Variants in RRP7A observed in about 807,000 individuals in gnomAD.
RRP7A encodes ribosomal RNA-processing protein 7 homolog A.
In RRP7A, 27 loss-of-function variants were observed where a neutral mutation model predicts 38.4. The observed-to-expected ratio is 0.70, with a 90% CI of 0.52 to 0.97. RRP7A has a LOEUF of 0.97. Among genes scored for constraint, RRP7A ranks in the 50% least tolerant of loss-of-function variants. The pLI is 0.00. For synonymous variants in RRP7A, 124 were observed against 150.3 expected, an observed-to-expected ratio of 0.83 and a Z score of 1.28; for missense variants, 327 against 375.4, an observed-to-expected ratio of 0.87 and a Z score of 1.07.
intron 3 of RRP7A, 51 bp downstream of exon 3, chr22:42,515,960 A>C: frequency 6.5e-7 from 1 of 1,542,934 alleles, no homozygotes. Context: ...CACACTGGGG[A>C]CAGTGCCCCA....
rs1379914311 is a variant in RRP7A at position 42,512,806 on chromosome 22, C to T, written c.*104G>A. 9 of 1,244,488 alleles carry T rather than the reference C, an allele frequency of 7.2e-6. No homozygotes were observed. Among genetic ancestry groups the T allele is most frequent in the African/African-American group, 5.9e-5 (4 of 68,098 alleles). 77.1% of individuals were successfully genotyped at this position (1,244,488 alleles called of 1,614,324 possible). On this transcript the variant is annotated 3_prime_UTR_variant, in exon 7 of 7. Transcript: ENST00000323013. ...GCTGTTGGACGCGGTGGCCTTCAAC[C>T]TGGGGCCCGTTGGCCAGAGCTCGGC...
chr22:42,514,404 C>T, intron 5 of RRP7A, 100 bp from the exon 6 acceptor site: 1 of 841,780 alleles, frequency 1.2e-6, no homozygotes, highest in Non-Finnish European at 1.8e-6. Context: ...CCCTGAGCCC[C>T]CGCAGGGGAG....
In RRP7A at chr22:42,517,986, C is replaced by T; in HGVS notation, c.216+19G>A. Reference sequence around the variant, plus strand: ...CACCTTGAGCCCACAGGTCTCCTCCCAGACAGACACTAGCTCACCTCTGTG... The same window carrying T: ...CACCTTGAGCCCACAGGTCTCCTCCTAGACAGACACTAGCTCACCTCTGTG... On this transcript the variant is annotated intron_variant, in intron 2 of 6. Coordinates refer to ENST00000323013, the MANE Select transcript of RRP7A (RefSeq NM_015703.5). 6.2e-7 allele frequency: 1 copy of T among 1,609,926 alleles called. No individual in the cohort carries two copies. The highest frequency in any genetic ancestry group is 8.5e-7 in the Non-Finnish European group (1 of 1,177,844).
chr22:42,519,789 T>G lies in RRP7A; in HGVS notation c.-3A>C. ...CACTTCCTCCTGCGCGCCACCATCT[T>G]GCCACCCGGGAGCGCGGGGGCCGCC... is the stretch of plus-strand genomic sequence containing the variant. On this transcript the variant is annotated 5_prime_UTR_variant, in exon 1 of 7. Coordinates refer to ENST00000323013, the MANE Select transcript of RRP7A (RefSeq NM_015703.5). 1.4e-6 allele frequency: 2 copies of G among 1,433,388 alleles called. No homozygotes were observed. Among genetic ancestry groups the G allele is most frequent in the Non-Finnish European group, 1.8e-6 (2 of 1,096,056 alleles). The allele number at this position is 1,433,388 out of a possible 1,614,324, so 88.8% of individuals were successfully genotyped here.
Position 42,519,771 on chromosome 22 carries a change from T to C in RRP7A, c.16A>G (p.Arg6Gly), listed in dbSNP as rs764621088. Reference sequence around the variant, plus strand: ...TCCGGGTCCCGCGCGGCGCACTTCCTCCTGCGCGCCACCATCTTGCCACCC... The same window carrying C: ...TCCGGGTCCCGCGCGGCGCACTTCCCCCTGCGCGCCACCATCTTGCCACCC... The part of the protein sequence containing the change: MVARR[R>G]KCAARDPEDR... The change falls in exon 1 of 7, where the codon AGG becomes GGG. Residue 6 changes from arginine (R) to glycine (G), a missense_variant. Coordinates refer to ENST00000323013, the MANE Select transcript of RRP7A (RefSeq NM_015703.5). 3.5e-6 allele frequency: 5 copies of C among 1,447,976 alleles called. No homozygotes were observed. Among genetic ancestry groups the C allele is most frequent in the East Asian group, 3.0e-5 (1 of 33,202 alleles). 89.7% of individuals were successfully genotyped at this position (1,447,976 alleles called of 1,614,324 possible).
At chr22:42,516,336 CTTTT>C in intron 2 of RRP7A, 200 bp from the exon 3 acceptor site, 5 of 598,294 alleles carry the variant, frequency 8.4e-6, no homozygotes, top group Admixed American at 4.7e-5. Context: ...TATTCCTGCT[CTTTT>C]TTTTTTTTGA....
chr22:42,511,992 C>A lies in RRP7A; in HGVS notation c.*918G>T, dbSNP rs1209687287. On this transcript the variant is annotated 3_prime_UTR_variant, in exon 7 of 7. Coordinates refer to ENST00000323013, the MANE Select transcript of RRP7A (RefSeq NM_015703.5). Reference sequence around the variant, plus strand: ...CAAGGAGCCGAGTGTGGGGGAAACTCACTGTGGGAGGCGCTCCTGACCTGC... The same window carrying A: ...CAAGGAGCCGAGTGTGGGGGAAACTAACTGTGGGAGGCGCTCCTGACCTGC... The A allele has an allele frequency of 2.8e-5, 20 of 708,522 alleles. No individual in the cohort carries two copies. Among genetic ancestry groups the A allele is most frequent in the Non-Finnish European group, 5.0e-5 (20 of 396,320 alleles). The allele number at this position is 708,522 out of a possible 1,614,324, so 43.9% of individuals were successfully genotyped here.
chr22:42,518,869 C>T (rs1428616689), intron 1 of RRP7A: 3 of 429,982 alleles, frequency 7.0e-6, no homozygotes, highest in African/African-American at 2.1e-5. Flanking sequence ...ACTCAGGAAG[C>T]TCAGTTGCAA....
rs373463538 is a variant in RRP7A, at chr22:42,512,969, C to G, written c.784G>C (p.Glu262Gln). The G allele has an allele frequency of 1.2e-6, 2 of 1,613,398 alleles. No individual in the cohort carries two copies. The highest frequency in any genetic ancestry group is 2.2e-5 in the East Asian group (1 of 44,872). ...AGCTCGATCCTCTGCTTGTCCTCCT[C>G]GAACTTCTTGCGCAGCTGCGCTAGA... ...EHLAQLRKKFEEDKQRIELLR... is the reference protein window; with the variant it reads ...EHLAQLRKKFQEDKQRIELLR... Residue 262 changes from glutamate (E) to glutamine (Q), a missense_variant, in exon 7 of 7, where the codon GAG becomes CAG. Physicochemically the swap from Glu to Gln is conservative, Grantham distance 29. This residue lies in a region of RRP7A where 84 missense variants were observed against 82.8 expected (regional missense o/e 1.01). Coordinates refer to ENST00000323013, the MANE Select transcript of RRP7A (RefSeq NM_015703.5).
At position 42,508,743 on chromosome 22, in the gene RRP7A, C is replaced by T. The variant is rs1400241006; in HGVS notation, c.*4167G>A. Among the ~76,000 whole-genome samples the T allele has an allele frequency of 6.6e-6, 1 of 152,258 alleles. No homozygotes were observed. The highest frequency in any genetic ancestry group is 1.5e-5 in the Non-Finnish European group (1 of 68,050). ...CCCAACTCACTTCTCTGACTTTAAT[C>T]ACACAGCCATACCTGGTGGCAAAGG... On this transcript the variant is annotated 3_prime_UTR_variant, in exon 7 of 7. Transcript: ENST00000323013.
In RRP7A at chr22:42,508,801, C is replaced by G. The variant is rs762538518; in HGVS notation, c.*4109G>C. ...GAAATGGAGTCAGGCTGGGTAGCCA[C>G]GAGCCCAGGAAGAGGGGAGAACAGA... On this transcript the variant is annotated 3_prime_UTR_variant, in exon 7 of 7. Coordinates refer to ENST00000323013, the MANE Select transcript of RRP7A (RefSeq NM_015703.5). Among the ~76,000 whole-genome samples, 13 of 152,188 alleles carry G rather than the reference C, an allele frequency of 8.5e-5. No individual in the cohort carries two copies. Among genetic ancestry groups the G allele is most frequent in the Admixed American group, 2.0e-4 (3 of 15,282 alleles).
In RRP7A at chr22:42,508,959, G is replaced by T; in HGVS notation, c.*3951C>A. The T allele has an allele frequency of 6.2e-7, 1 of 1,606,794 alleles. No homozygotes were observed. The highest frequency in any genetic ancestry group is 8.5e-7 in the Non-Finnish European group (1 of 1,175,626). ...GCCAGGGCTTAGCCACCCCAACAGAGATGGGTTTCGTGCCCACGAGAGTGC... is the reference window on the plus strand; with the variant it reads ...GCCAGGGCTTAGCCACCCCAACAGATATGGGTTTCGTGCCCACGAGAGTGC... On this transcript the variant is annotated 3_prime_UTR_variant, in exon 7 of 7. Transcript: ENST00000323013.
rs367610336 is a variant in RRP7A at position 42,510,725 on chromosome 22, G to C, written c.*2185C>G. The C allele has an allele frequency of 1.1e-5, 17 of 1,520,206 alleles. 1 individual carries two copies. In the East Asian group the frequency reaches 1.5e-4, roughly 14 times the overall value. 94.2% of individuals were successfully genotyped at this position (1,520,206 alleles called of 1,614,324 possible). ...CACAATGAAATCCACCCTCAAAGAG[G>C]TAAGGCGGGGCTCAGGCAGCTGGTG... On this transcript the variant is annotated 3_prime_UTR_variant, in exon 7 of 7. Coordinates refer to ENST00000323013, the MANE Select transcript of RRP7A (RefSeq NM_015703.5).
chr22:42,517,830 TTTAAAGAC>T (rs1201325681), intron 2 of RRP7A, among the ~76,000 whole-genome samples, 167 bp downstream of exon 2: 3 of 152,166 alleles, frequency 2.0e-5, no homozygotes, highest in African/African-American at 7.2e-5. Flanking sequence ...GGATTATACT[TTTAAAGAC>T]ATCTTTAAAA....
In RRP7A at chr22:42,508,662, G is replaced by A. The variant is rs1319310844; in HGVS notation, c.*4248C>T. 6.6e-6 allele frequency among the ~76,000 whole-genome samples: 1 copy of A among 152,232 alleles called. No individual in the cohort carries two copies. Among genetic ancestry groups the A allele is most frequent in the Non-Finnish European group, 1.5e-5 (1 of 68,044 alleles). On this transcript the variant is annotated 3_prime_UTR_variant, in exon 7 of 7. Transcript: ENST00000323013. The stretch of plus-strand genomic sequence containing the variant: ...CAGCGTGAGGTGCAGCCTATGGACT[G>A]GGAAAGGGGTGTGGAAGGGCCACAC...
Position 42,509,651 on chromosome 22 carries a change from A to G in RRP7A, c.*3259T>C, listed in dbSNP as rs2146614211. ...GCCCACCATAGACGATTTTTAAGCC[A>G]TAAAAAGAAACGAAGCACTGACATG... On this transcript the variant is annotated 3_prime_UTR_variant, in exon 7 of 7. Transcript: ENST00000323013. 6.6e-6 allele frequency among the ~76,000 whole-genome samples: 1 copy of G among 152,082 alleles called. No individual in the cohort carries two copies. The highest frequency in any genetic ancestry group is 2.1e-4 in the South Asian group (1 of 4,812).
rs778717864 is a variant in RRP7A, at chr22:42,517,920, C to T, written c.216+85G>A. On this transcript the variant is annotated intron_variant, in intron 2 of 6. Coordinates refer to ENST00000323013, the MANE Select transcript of RRP7A (RefSeq NM_015703.5). ...CTCTGGGGCTCCCATTAGCTGTGTCCGTCTCACCACCAAGGACTTGGTGGA... is the reference window on the plus strand; with the variant it reads ...CTCTGGGGCTCCCATTAGCTGTGTCTGTCTCACCACCAAGGACTTGGTGGA... 3.2e-5 allele frequency: 47 copies of T among 1,484,256 alleles called. No homozygotes were observed. In the East Asian group the frequency reaches 7.0e-4, roughly 22 times the overall value. The allele number at this position is 1,484,256 out of a possible 1,614,324, so 91.9% of individuals were successfully genotyped here.
chr22:42,514,596 G>A (rs1920925387), intron 5 of RRP7A, 86 bp downstream of exon 5: 8 of 1,180,400 alleles, frequency 6.8e-6, no homozygotes, highest in Admixed American at 4.0e-5. Context: ...GCCAAGGACA[G>A]GCCACCACTG....
chr22:42,514,148 G>A lies in RRP7A; in HGVS notation c.715C>T (p.Leu239Phe), dbSNP rs1920924167. 4 of 1,613,458 alleles carry A rather than the reference G, an allele frequency of 2.5e-6. No individual in the cohort carries two copies. The highest frequency in any genetic ancestry group is 2.7e-5 in the African/African-American group (2 of 74,910). Residue 239 changes from leucine to phenylalanine, a missense_variant, in exon 6 of 7, where the codon CTC becomes TTC. By Grantham distance (22) the Leu-to-Phe change is conservative. Around this residue, in one of 5 missense-constraint regions of RRP7A, gnomAD observed 84 missense variants for 82.8 expected, o/e 1.01. Coordinates refer to ENST00000323013, the MANE Select transcript of RRP7A (RefSeq NM_015703.5). Reference sequence around the variant, plus strand: ...CGATGCTGCCAGGCGTAGAAGTTGAGCAGCTCTTTTCGGCTGCGCTTCCGT... The same window carrying A: ...CGATGCTGCCAGGCGTAGAAGTTGAACAGCTCTTTTCGGCTGCGCTTCCGT... ...ERRKRSRKEL[L>F]NFYAWQHRES... is the part of the protein sequence containing the mutation.
Sources: gnomAD v4.1 joint callset for allele counts (sites outside exome capture counted in the v4.1 genomes callset) on GRCh38, gnomAD v4.1.1 for gene constraint, gnomAD v4.1.1 regional missense constraint, MANE v1.5 for transcripts, NCBI Gene and HGNC (gene_info 2026-07-23, HGNC 2026-07-21) for gene names.